Variants in DPYD observed in about 807,000 individuals in gnomAD.
DPYD encodes dihydropyrimidine dehydrogenase [NADP(+)].
DPYD carries 109 observed loss-of-function variants against 116.2 expected under a neutral mutation model. That is an observed-to-expected ratio of 0.94 (90% CI 0.80 to 1.10). DPYD has a LOEUF of 1.10. Ranked by LOEUF, DPYD falls within the 50% of genes least tolerant of loss-of-function variation. DPYD has a pLI of 0.00. For synonymous variants in DPYD, 440 were observed against 432.0 expected (o/e 1.02, Z -0.23); for missense variants, 1,302 against 1,254.5 (o/e 1.04, Z -0.57).
intron 14 of DPYD, among the ~76,000 whole-genome samples, chr1:97,431,365 C>A (rs1489967271): frequency 6.6e-6 from 1 of 152,074 alleles, no homozygotes. Context: ...GGCATAGGGG[C>A]CTGCTTTTAA....
intron 11 of DPYD, among the ~76,000 whole-genome samples, chr1:97,564,678 C>T (rs1652392158): frequency 2.6e-5 from 4 of 152,256 alleles, no homozygotes; most frequent in African/African-American, 9.6e-5. Context: ...GTTTACCTCC[C>T]AGCTAGCTAC....
intron 1 of DPYD, among the ~76,000 whole-genome samples, chr1:97,890,599 T>G (rs563027606): frequency 6.6e-6 from 1 of 151,940 alleles, no homozygotes; most frequent in Admixed American, 6.6e-5. Flanking sequence ...AGAAAAAAAG[T>G]GAAAACATTT....
At chr1:97,253,784 A>G (rs961686575) in intron 18 of DPYD, among the ~76,000 whole-genome samples, 1 of 152,152 alleles carries the variant, frequency 6.6e-6, no homozygotes, top group African/African-American at 2.4e-5. Context: ...ATTAAAAAAT[A>G]AACCTTTATT....
intron 21 of DPYD, among the ~76,000 whole-genome samples, chr1:97,089,094 G>A (rs1443962674): frequency 6.6e-6 from 1 of 152,140 alleles, no homozygotes; most frequent in African/African-American, 2.4e-5. Context: ...CGCCAACACT[G>A]TCTTGCCAGT....
chr1:97,545,649 A>G, intron 12 of DPYD: 2 of 639,858 alleles, frequency 3.1e-6, no homozygotes. Flanking sequence ...GGAGGTACAG[A>G]TTAGAGAGTT....
intron 2 of DPYD, among the ~76,000 whole-genome samples, chr1:97,849,483 G>C (rs112716046): frequency 1.9e-3 from 293 of 151,876 alleles, no homozygotes; most frequent in African/African-American, 6.9e-3. Context: ...CCCTGTAAAA[G>C]AGCCATTTCT....
chr1:97,763,383 C>T (rs964743142), intron 3 of DPYD, among the ~76,000 whole-genome samples: 11 of 152,042 alleles, frequency 7.2e-5, no homozygotes, highest in African/African-American at 2.6e-4. Context: ...TTTAATTGCA[C>T]AATACAAACT....
chr1:97,631,412 T>C (rs953870026), intron 8 of DPYD, among the ~76,000 whole-genome samples: 3 of 152,100 alleles, frequency 2.0e-5, no homozygotes, highest in South Asian at 2.1e-4. Context: ...ATGTCAATCT[T>C]GGGCCTTGCT....
intron 21 of DPYD, among the ~76,000 whole-genome samples, chr1:97,084,054 T>C (rs1017630113): frequency 2.0e-5 from 3 of 152,126 alleles, no homozygotes; most frequent in African/African-American, 7.2e-5. Flanking sequence ...CACTCTACCC[T>C]GGGCAATGCT....
intron 8 of DPYD, among the ~76,000 whole-genome samples, chr1:97,631,309 G>T (rs983266693): frequency 1.3e-5 from 2 of 152,084 alleles, no homozygotes; most frequent in African/African-American, 4.8e-5. Flanking sequence ...CCACAATCAG[G>T]CTGGCTTAAA....
chr1:97,229,714 C>T (rs970914184), intron 19 of DPYD, among the ~76,000 whole-genome samples: 9 of 151,720 alleles, frequency 5.9e-5, no homozygotes, highest in Admixed American at 5.9e-4. Flanking sequence ...GATTAGATTG[C>T]CAGCTCTCTG....
At chr1:97,648,447 T>C (rs1351044828) in intron 8 of DPYD, among the ~76,000 whole-genome samples, 7 of 151,920 alleles carry the variant, frequency 4.6e-5, no homozygotes, top group African/African-American at 1.7e-4. Flanking sequence ...AGCTAAATAC[T>C]TGGGGAATAA....
intron 14 of DPYD, among the ~76,000 whole-genome samples, chr1:97,427,914 G>T (rs1674964924): frequency 6.6e-6 from 1 of 151,938 alleles, no homozygotes; most frequent in African/African-American, 2.4e-5. Context: ...TTCACCTCTG[G>T]AATGATCTCA....
chr1:97,090,856 C>T (rs1288465282), intron 21 of DPYD, among the ~76,000 whole-genome samples: 1 of 152,134 alleles, frequency 6.6e-6, no homozygotes, highest in Admixed American at 6.6e-5. Context: ...TGGACCATGC[C>T]GTGTCTGTTT....
chr1:97,166,293 A>T (rs1005472648), intron 20 of DPYD, among the ~76,000 whole-genome samples: 1 of 152,178 alleles, frequency 6.6e-6, no homozygotes, highest in Non-Finnish European at 1.5e-5. Flanking sequence ...AGGAACATGG[A>T]TGGAGCTGGA....
At chr1:97,391,556 T>C (rs1230331689) in intron 14 of DPYD, among the ~76,000 whole-genome samples, 1 of 152,048 alleles carries the variant, frequency 6.6e-6, no homozygotes, top group Non-Finnish European at 1.5e-5. Context: ...CAAGTCTCTC[T>C]AGGTGGTCCT....
At chr1:97,621,997 T>G (rs1473822357) in intron 8 of DPYD, among the ~76,000 whole-genome samples, 1 of 152,044 alleles carries the variant, frequency 6.6e-6, no homozygotes, top group Non-Finnish European at 1.5e-5. Context: ...CCATCATACT[T>G]ATATAAATAA....
chr1:97,917,728 C>G (rs770410115), intron 1 of DPYD, among the ~76,000 whole-genome samples: 29 of 152,100 alleles, frequency 1.9e-4, no homozygotes, highest in Non-Finnish European at 3.7e-4. Flanking sequence ...CTTGGTTTGG[C>G]TACAAATATA....
intron 20 of DPYD, among the ~76,000 whole-genome samples, chr1:97,101,244 C>T (rs1184246656): frequency 6.6e-6 from 1 of 151,852 alleles, no homozygotes; most frequent in East Asian, 1.9e-4. Context: ...TCCAAAACTT[C>T]AAGGCTGCTG....
Sources: gnomAD v4.1 joint callset for allele counts (sites outside exome capture counted in the v4.1 genomes callset) on GRCh38, gnomAD v4.1.1 for gene constraint, MANE v1.5 for transcripts, NCBI Gene and HGNC (gene_info 2026-07-23, HGNC 2026-07-21) for gene names.